PRKD1: variants seen among roughly 807,000 people sequenced by gnomAD.
The protein encoded by PRKD1 is protein kinase D1.
PRKD1 carries 63 observed loss-of-function variants against 95.9 expected under a neutral mutation model. That is an observed-to-expected ratio of 0.66 (90% confidence interval 0.54 to 0.81). PRKD1 has a LOEUF of 0.81. Ranked by LOEUF, PRKD1 falls within the 30% of genes least tolerant of loss-of-function variation. PRKD1 has a pLI of 0.00. For synonymous variants in PRKD1, 425 were observed against 423.1 expected, an observed-to-expected ratio of 1.00 and a Z score of -0.05; for missense variants, 1,048 against 1,165.3, an observed-to-expected ratio of 0.90 and a Z score of 1.47.
chr14:29,888,154 A>T (rs550421029), intron 1 of PRKD1, among the ~76,000 whole-genome samples: 1 of 152,116 alleles, frequency 6.6e-6, no homozygotes, highest in South Asian at 2.1e-4. Flanking sequence ...AAATAAAAAT[A>T]ATTAGGCAGG....
intron 1 of PRKD1, among the ~76,000 whole-genome samples, chr14:29,877,481 T>C (rs925240612): frequency 1.3e-5 from 2 of 152,238 alleles, no homozygotes; most frequent in Admixed American, 6.5e-5. Context: ...GTGCAGAAGC[T>C]CTTAAGTTTA....
At chr14:29,907,983 G>A (rs1894551902) in intron 1 of PRKD1, among the ~76,000 whole-genome samples, 1 of 152,046 alleles carries the variant, frequency 6.6e-6, no homozygotes, top group Admixed American at 6.5e-5. Flanking sequence ...AAAGTGTAAG[G>A]CTGTGGTTTT....
chr14:29,591,458 G>C (rs941989435), intron 16 of PRKD1, among the ~76,000 whole-genome samples: 2 of 152,094 alleles, frequency 1.3e-5, no homozygotes, highest in Non-Finnish European at 2.9e-5. Flanking sequence ...GGGCTCCAGA[G>C]CAGCGGTTTT....
intron 2 of PRKD1, among the ~76,000 whole-genome samples, chr14:29,723,381 G>A (rs1207870898): frequency 6.6e-6 from 1 of 152,070 alleles, no homozygotes; most frequent in Non-Finnish European, 1.5e-5. Flanking sequence ...TCACCTTCAG[G>A]AGAGTCAGGA....
At position 29,927,450 on chromosome 14, in the gene PRKD1, G is replaced by A. The variant is rs1895349408; in HGVS notation, c.63C>T (p.Ala21=). The part of the protein sequence containing the change: ...SPLLPVAAAA[A]AAAAALVPGS... ...CTGGGACCAGTGCGGCGGCCGCTGCGGCAGCTGCCGCCGCCACGGGCAGCA... is the reference window on the plus strand; with the variant it reads ...CTGGGACCAGTGCGGCGGCCGCTGCAGCAGCTGCCGCCGCCACGGGCAGCA... Residue 21 remains alanine, a synonymous_variant, in exon 1 of 18, where the codon GCC becomes GCT. Transcript: ENST00000331968. The A allele has an allele frequency of 3.8e-6, 5 of 1,315,230 alleles. No individual in the cohort carries two copies. The East Asian group carries it at 1.6e-4, about 43-fold the overall frequency. 81.5% of individuals were successfully genotyped at this position (1,315,230 alleles called of 1,614,324 possible). A position where few individuals can be genotyped will look rare whatever the true frequency, so the allele number is the denominator to read the frequency against.
chr14:29,761,934 T>C, intron 1 of PRKD1, among the ~76,000 whole-genome samples: 1 of 151,870 alleles, frequency 6.6e-6, no homozygotes, highest in Non-Finnish European at 1.5e-5. Context: ...CCACCAAGAC[T>C]GGCTATTCTT....
chr14:29,856,309 T>A (rs1191485564), intron 1 of PRKD1, among the ~76,000 whole-genome samples: 2 of 152,198 alleles, frequency 1.3e-5, no homozygotes, highest in Non-Finnish European at 2.9e-5. Flanking sequence ...CCACTGCCAA[T>A]TCCCCAATCC....
At chr14:29,907,591 C>T (rs1894537830) in intron 1 of PRKD1, among the ~76,000 whole-genome samples, 1 of 152,148 alleles carries the variant, frequency 6.6e-6, no homozygotes, top group Non-Finnish European at 1.5e-5. Context: ...AATCCTGAAA[C>T]TTTTTGTATA....
intron 1 of PRKD1, among the ~76,000 whole-genome samples, chr14:29,838,370 TA>T (rs2139310293): frequency 6.6e-6 from 1 of 152,286 alleles, no homozygotes; most frequent in South Asian, 2.1e-4. Flanking sequence ...TATCAAGCCA[TA>T]AGTGCTTCAC....
chr14:29,855,435 C>G (rs1892461838), intron 1 of PRKD1, among the ~76,000 whole-genome samples: 1 of 152,144 alleles, frequency 6.6e-6, no homozygotes, highest in Non-Finnish European at 1.5e-5. Flanking sequence ...TTGTTTTGAC[C>G]AATTTCTCCC....
chr14:29,896,720 TAAAA>T (rs34261706), intron 1 of PRKD1, among the ~76,000 whole-genome samples: 17 of 134,078 alleles, frequency 1.3e-4, no homozygotes, highest in Non-Finnish European at 2.4e-4. Flanking sequence ...ATTAAACAGT[TAAAA>T]AAAAAAAAAA....
chr14:29,741,602 C>T (rs1393975698), intron 1 of PRKD1, among the ~76,000 whole-genome samples: 3 of 152,034 alleles, frequency 2.0e-5, no homozygotes, highest in East Asian at 1.9e-4. Flanking sequence ...AGTTAAAAAA[C>T]GTCAGATAAG....
chr14:29,600,036 T>C (rs1484622746), intron 13 of PRKD1, among the ~76,000 whole-genome samples: 1 of 152,192 alleles, frequency 6.6e-6, no homozygotes, highest in African/African-American at 2.4e-5. Flanking sequence ...AAATTATTTC[T>C]ATGTGAAAAA....
At position 29,841,109 on chromosome 14, in the gene PRKD1, C is replaced by T. The variant is rs796072055; in HGVS notation, c.264+86140G>A. 2.6e-5 allele frequency among the ~76,000 whole-genome samples: 4 copies of T among 152,196 alleles called. No homozygotes were observed. In the South Asian group the frequency reaches 6.2e-4, roughly 24 times the overall value. ...GGCCGATTTCTCTCATTTGGAATGG[C>T]TGAGTTTATCCAATGCCTGTACCCA... On this transcript the variant is annotated intron_variant, in intron 1 of 17. Coordinates refer to ENST00000331968, the MANE Select transcript of PRKD1 (RefSeq NM_002742.3).
At chr14:29,601,771 T>G (rs993432973) in intron 13 of PRKD1, among the ~76,000 whole-genome samples, 11 of 152,226 alleles carry the variant, frequency 7.2e-5, no homozygotes, top group African/African-American at 2.7e-4. Context: ...GTGATAGTAT[T>G]GTTCATACTT....
intron 12 of PRKD1, among the ~76,000 whole-genome samples, chr14:29,625,833 T>C (rs771709630): frequency 1.4e-4 from 22 of 152,144 alleles, no homozygotes; most frequent in Non-Finnish European, 2.4e-4. Context: ...AATAATTTCT[T>C]ATTGATAATA....
chr14:29,725,781 T>C, intron 1 of PRKD1, 107 bp from the exon 2 acceptor site: 4 of 1,059,390 alleles, frequency 3.8e-6, no homozygotes, highest in Non-Finnish European at 5.2e-6. Flanking sequence ...GTTCAAAGTA[T>C]CTAGATCATT....
At chr14:29,748,259 C>T (rs1887322327) in intron 1 of PRKD1, among the ~76,000 whole-genome samples, 1 of 152,002 alleles carries the variant, frequency 6.6e-6, no homozygotes, top group Non-Finnish European at 1.5e-5. Context: ...AAGTTAATGT[C>T]TACAACCAAC....
chr14:29,588,369 G>A (rs571198028), intron 16 of PRKD1, among the ~76,000 whole-genome samples: 86 of 152,236 alleles, frequency 5.6e-4, no homozygotes, highest in Non-Finnish European at 1.1e-3. Flanking sequence ...GCTTTGCTTT[G>A]TGTTTGTACT....
Sources: gnomAD v4.1 joint callset for allele counts (sites outside exome capture counted in the v4.1 genomes callset) on GRCh38, gnomAD v4.1.1 for gene constraint, MANE v1.5 for transcripts, NCBI Gene and HGNC (gene_info 2026-07-23, HGNC 2026-07-21) for gene names.